The following TBX20 variants were observed in gnomAD, a reference collection of about 807,000 sequenced individuals.
TBX20 encodes T-box transcription factor TBX20.
A neutral mutation model predicts 42.9 loss-of-function variants in TBX20; 8 were observed. That is an observed-to-expected ratio of 0.19 (90% CI 0.11 to 0.34). The LOEUF (loss-of-function observed/expected upper bound fraction) is 0.34, where lower values mean the gene tolerates loss of function less well. Among genes scored for constraint, TBX20 ranks in the 10% least tolerant of loss-of-function variants. The pLI is 1.00. For missense variants in TBX20, 411 were observed against 566.0 expected (o/e 0.73, Z 2.78); for synonymous variants, 198 against 222.8 (o/e 0.89, Z 0.99).
At chr7:35,227,114 A>G (rs1323159008) in intron 6 of TBX20, among the ~76,000 whole-genome samples, 1 of 152,112 alleles carries the variant, frequency 6.6e-6, no homozygotes, top group Non-Finnish European at 1.5e-5. Flanking sequence ...AAAATTGAAA[A>G]AACTTACGGA....
chr7:35,223,432 A>G (rs1027845610), intron 6 of TBX20, among the ~76,000 whole-genome samples: 1 of 152,220 alleles, frequency 6.6e-6, no homozygotes, highest in Admixed American at 6.5e-5. Context: ...GCACCCAGAG[A>G]CCAGATGTAG....
chr7:35,214,950 C>A (rs1026216832), intron 6 of TBX20, among the ~76,000 whole-genome samples: 1 of 152,132 alleles, frequency 6.6e-6, no homozygotes, highest in Non-Finnish European at 1.5e-5. Context: ...CCTCTTCCCA[C>A]AAATTGCACA....
intron 4 of TBX20, among the ~76,000 whole-genome samples, chr7:35,242,765 A>G (rs1790107943): frequency 6.6e-6 from 1 of 152,152 alleles, no homozygotes. Flanking sequence ...CTTGAAGACT[A>G]AGGAACACTA....
chr7:35,209,631 ACTT>A (rs1360964634), intron 6 of TBX20, among the ~76,000 whole-genome samples: 2 of 151,612 alleles, frequency 1.3e-5, no homozygotes. Context: ...ATTTTTCTCT[ACTT>A]CTTCCCTGTT....
At chr7:35,211,118 T>C (rs1789489879) in intron 6 of TBX20, among the ~76,000 whole-genome samples, 1 of 152,160 alleles carries the variant, frequency 6.6e-6, no homozygotes, top group Admixed American at 6.5e-5. Flanking sequence ...CAAGTGATAC[T>C]AAATCTTTCA....
At chr7:35,251,106 C>T (rs1327437796) in intron 1 of TBX20, among the ~76,000 whole-genome samples, 1 of 152,216 alleles carries the variant, frequency 6.6e-6, no homozygotes, top group East Asian at 1.9e-4. Flanking sequence ...TTCTCCCCCA[C>T]AGCTGATAAG....
At chr7:35,236,724 G>A (rs17606554) in intron 5 of TBX20, among the ~76,000 whole-genome samples, 55,642 of 151,938 alleles carry the variant, frequency 0.37, 10,473 homozygotes, top group Admixed American at 0.46. Context: ...CTTTGTGCAA[G>A]CGGCTATGGT....
intron 6 of TBX20, among the ~76,000 whole-genome samples, chr7:35,214,261 G>C (rs1789545749): frequency 6.6e-6 from 1 of 152,130 alleles, no homozygotes; most frequent in Non-Finnish European, 1.5e-5. Context: ...TTTTCTCAGT[G>C]ACTGAATGCT....
At chr7:35,203,707 G>A (rs1053195798) in intron 7 of TBX20, among the ~76,000 whole-genome samples, 3 of 152,240 alleles carry the variant, frequency 2.0e-5, no homozygotes, top group Admixed American at 1.3e-4. Flanking sequence ...CCACACAGGA[G>A]TTGGTTCCCC....
chr7:35,225,877 T>C (rs12533252), intron 6 of TBX20, among the ~76,000 whole-genome samples: 11,739 of 152,104 alleles, frequency 0.077, 708 homozygotes, highest in Admixed American at 0.2. Context: ...ATTTGCCATA[T>C]CAGATATTTA....
chr7:35,252,376 A>C (rs1366413095), intron 1 of TBX20, among the ~76,000 whole-genome samples: 4 of 132,194 alleles, frequency 3.0e-5, no homozygotes, highest in Non-Finnish European at 6.7e-5. Context: ...AACTTAGAGG[A>C]CAGATTTTTT....
chr7:35,233,692 G>A (rs571249245), intron 5 of TBX20, among the ~76,000 whole-genome samples: 8 of 152,296 alleles, frequency 5.3e-5, no homozygotes, highest in East Asian at 3.9e-4. Flanking sequence ...TACAGTCTAC[G>A]ATTACAAATA....
intron 5 of TBX20, among the ~76,000 whole-genome samples, chr7:35,236,193 T>C (rs1422453710): frequency 6.6e-6 from 1 of 152,062 alleles, no homozygotes; most frequent in African/African-American, 2.4e-5. Context: ...TTTCACAAAT[T>C]GTTTTGGAAA....
rs184875495 is a variant in TBX20, at chr7:35,224,425, C to A, written c.890+7079G>T. 3.7e-4 allele frequency among the ~76,000 whole-genome samples: 57 copies of A among 152,310 alleles called. 1 individual carries two copies. Among genetic ancestry groups the A allele is most frequent in the Admixed American group, 3.5e-3 (53 of 15,300 alleles). Reference sequence around the variant, plus strand: ...AGTGGCTCAAGCCTGTTAATCCCAGCACTTTGGGAGGCCGAGGCAGGCGGA... The same window carrying A: ...AGTGGCTCAAGCCTGTTAATCCCAGAACTTTGGGAGGCCGAGGCAGGCGGA... On this transcript the variant is annotated intron_variant, in intron 6 of 7. Transcript: ENST00000408931.
At chr7:35,243,062 C>T (rs978788110) in intron 4 of TBX20, among the ~76,000 whole-genome samples, 11 of 152,130 alleles carry the variant, frequency 7.2e-5, no homozygotes, top group African/African-American at 2.7e-4. Flanking sequence ...ACTGCAGCCT[C>T]GACCTCCCAG....
intron 5 of TBX20, among the ~76,000 whole-genome samples, chr7:35,234,644 G>A (rs898401013): frequency 6.6e-6 from 1 of 151,834 alleles, no homozygotes; most frequent in East Asian, 1.9e-4. Context: ...GAATAGTACA[G>A]GTGCTCTTAT....
At chr7:35,214,959 C>T (rs377068757) in intron 6 of TBX20, among the ~76,000 whole-genome samples, 23 of 152,274 alleles carry the variant, frequency 1.5e-4, no homozygotes, top group East Asian at 7.7e-4. Flanking sequence ...ACAAATTGCA[C>T]ATAACTGCTA....
chr7:35,252,948 T>C (rs1241393172), intron 1 of TBX20, among the ~76,000 whole-genome samples: 2 of 152,362 alleles, frequency 1.3e-5, no homozygotes, highest in East Asian at 3.9e-4. Context: ...TGACGACAGT[T>C]ATAAAATGAT....
At chr7:35,218,155 TTATC>T (rs1789621723) in intron 6 of TBX20, among the ~76,000 whole-genome samples, 1 of 152,244 alleles carries the variant, frequency 6.6e-6, no homozygotes, top group African/African-American at 2.4e-5. Context: ...TTCAGATTCT[TTATC>T]TATATCTGGG....
Sources: gnomAD v4.1 joint callset for allele counts (sites outside exome capture counted in the v4.1 genomes callset) on GRCh38, gnomAD v4.1.1 for gene constraint, MANE v1.5 for transcripts, NCBI Gene and HGNC (gene_info 2026-07-23, HGNC 2026-07-21) for gene names.